Variants in DNMBP observed in about 807,000 individuals in gnomAD.
The protein encoded by DNMBP is dynamin-binding protein.
A neutral mutation model predicts 150.0 loss-of-function variants in DNMBP; 87 were observed. That is an observed-to-expected ratio of 0.58 (90% CI 0.49 to 0.69). The LOEUF (loss-of-function observed/expected upper bound fraction) is 0.69. Ranked by LOEUF, DNMBP falls within the 30% of genes least tolerant of loss-of-function variation. The probability of loss-of-function intolerance (pLI) is 0.00; values close to 1 mark genes in which losing one functional copy is unlikely to be tolerated. For synonymous variants in DNMBP, 711 were observed against 750.4 expected (o/e 0.95, Z 0.86); for missense variants, 1,774 against 1,949.0 (o/e 0.91, Z 1.69).
chr10:99,924,361 T>C (rs1280744447), intron 4 of DNMBP, among the ~76,000 whole-genome samples: 3 of 152,000 alleles, frequency 2.0e-5, no homozygotes, highest in East Asian at 3.9e-4. Flanking sequence ...GAGAATGGCA[T>C]GGACCCAGGA....
chr10:99,980,482 G>A (rs2040770633), intron 1 of DNMBP, among the ~76,000 whole-genome samples: 1 of 151,586 alleles, frequency 6.6e-6, no homozygotes, highest in African/African-American at 2.4e-5. Context: ...ATGTATCACT[G>A]TAAAGTGCTA....
intron 11 of DNMBP, 31 bp from the exon 12 acceptor site, chr10:99,888,984 A>G: frequency 6.2e-7 from 1 of 1,610,824 alleles, no homozygotes; most frequent in Non-Finnish European, 8.5e-7. Flanking sequence ...CACAAGTCAG[A>G]ACAGACAGAA....
At chr10:99,883,956 C>T in intron 15 of DNMBP, 55 bp downstream of exon 15, 2 of 1,554,802 alleles carry the variant, frequency 1.3e-6, no homozygotes, top group Non-Finnish European at 1.8e-6. Context: ...CGGGTGCAGC[C>T]AAAACTACTA....
intron 10 of DNMBP, 72 bp from the exon 11 acceptor site, chr10:99,895,122 C>CTTTTTT (rs373241582): frequency 9.8e-5 from 50 of 510,310 alleles, no homozygotes; most frequent in African/African-American, 2.1e-4. Context: ...AAGTAGCTTG[C>CTTTTTT]TTTTTTTTTT....
intron 1 of DNMBP, among the ~76,000 whole-genome samples, chr10:99,986,339 A>C (rs1008929415): frequency 7.9e-5 from 12 of 151,954 alleles, no homozygotes; most frequent in Admixed American, 2.0e-4. Context: ...GTGAGACCCC[A>C]TCTCTGGAAA....
At chr10:99,925,764 T>C (rs1473756001) in intron 4 of DNMBP, among the ~76,000 whole-genome samples, 7 of 152,222 alleles carry the variant, frequency 4.6e-5, no homozygotes, top group Admixed American at 1.3e-4. Context: ...CATTTATGTC[T>C]ATACACATAC....
chr10:99,919,585 G>A (rs1377134214), intron 4 of DNMBP, among the ~76,000 whole-genome samples: 2 of 152,224 alleles, frequency 1.3e-5, no homozygotes, highest in African/African-American at 4.8e-5. Flanking sequence ...CTGAGGTAAG[G>A]AGTTTGAGAC....
chr10:99,971,146 G>C (rs1477221251), intron 2 of DNMBP, among the ~76,000 whole-genome samples: 1 of 152,052 alleles, frequency 6.6e-6, no homozygotes, highest in Non-Finnish European at 1.5e-5. Context: ...GGCTGGGGCA[G>C]CTGGTGTCTA....
Position 99,885,774 on chromosome 10 carries a change from G to A in DNMBP, c.3711C>T (p.Phe1237=), listed in dbSNP as rs750184407. ...TGGTAGCTGGAAGAGACTCCGGGAA[G>A]AAGGTAAAAACCTGGAGTTGCTGCA... ...RVLQQLQVFT[F]FPESLPATKK... The change falls in exon 14 of 17, where the codon TTC becomes TTT. Residue 1237 remains phenylalanine, a synonymous_variant. Coordinates refer to ENST00000324109, the MANE Select transcript of DNMBP (RefSeq NM_015221.4). 1.2e-5 allele frequency: 19 copies of A among 1,610,552 alleles called. No individual in the cohort carries two copies. The Admixed American group carries it at 1.5e-4, about 13-fold the overall frequency.
At chr10:99,896,133 C>G in intron 10 of DNMBP, 134 bp downstream of exon 10, 1 of 996,028 alleles carries the variant, frequency 1.0e-6, no homozygotes, top group Non-Finnish European at 1.5e-6. Context: ...CTGGAGGGCC[C>G]TGTCTCCACC....
intron 1 of DNMBP, among the ~76,000 whole-genome samples, chr10:100,002,144 TCTC>T (rs1456495863): frequency 6.6e-6 from 1 of 152,084 alleles, no homozygotes; most frequent in Non-Finnish European, 1.5e-5. Context: ...TTAAGTGCCC[TCTC>T]CTCCTCAACA....
In DNMBP at chr10:99,973,706, G is replaced by A. The variant is rs11818678; in HGVS notation, c.-10-1572C>T. Among the ~76,000 whole-genome samples, 1,019 of 152,326 alleles carry A rather than the reference G, an allele frequency of 6.7e-3. 11 individuals carry two copies. The highest frequency in any genetic ancestry group is 0.023 in the African/African-American group (972 of 41,586). On this transcript the variant is annotated intron_variant, in intron 1 of 16. Transcript: ENST00000324109. The stretch of plus-strand genomic sequence containing the variant: ...GATGGAAAACCTGTTGGGGACTGGC[G>A]CGGTGGCTCGCACCTGTAATCCCAG...
chr10:99,980,436 GA>G (rs1300079746), intron 1 of DNMBP, among the ~76,000 whole-genome samples: 1 of 138,708 alleles, frequency 7.2e-6, no homozygotes, highest in Non-Finnish European at 1.5e-5. Context: ...AACAGAGTAA[GA>G]CTCCGTCTCA....
rs143168643 is a variant in DNMBP, at chr10:99,951,803, A to G, written c.2260+3411T>C. 5.1e-3 allele frequency among the ~76,000 whole-genome samples: 779 copies of G among 152,324 alleles called. 3 individuals carry two copies. The highest frequency in any genetic ancestry group is 7.9e-3 in the Non-Finnish European group (540 of 68,030). On this transcript the variant is annotated intron_variant, in intron 4 of 16. Transcript: ENST00000324109. Reference sequence around the variant, plus strand: ...GCAGAAGGGACTTGCCTTGTCTCAGATGAGACGTCGAACTGTGGACTTTTG... The same window carrying G: ...GCAGAAGGGACTTGCCTTGTCTCAGGTGAGACGTCGAACTGTGGACTTTTG...
chr10:99,955,945 T>C lies in DNMBP; in HGVS notation c.1529A>G (p.His510Arg). ...TGAGATGGAGTAAACACTGGACGTG[T>C]GGTGCTTTTTAGTATAACTTGCTAG... The part of the protein sequence containing the change: ...HNLASYTKKH[H>R]TSSVYSISER... The change falls in exon 4 of 17, where the codon CAC (histidine) becomes CGC (arginine). Residue 510 changes from histidine (H) to arginine (R), a missense_variant. His to Arg is a conservative substitution (Grantham distance 29). This residue lies in a region of DNMBP where 1,430 missense variants were observed against 1,492.5 expected (regional missense o/e 0.96). Transcript: ENST00000324109. The C allele has an allele frequency of 6.2e-7, 1 of 1,614,198 alleles. No homozygotes were observed. The highest frequency in any genetic ancestry group is 8.5e-7 in the Non-Finnish European group (1 of 1,180,044).
chr10:99,977,311 C>G (rs993633153), intron 1 of DNMBP, among the ~76,000 whole-genome samples: 1 of 152,202 alleles, frequency 6.6e-6, no homozygotes, highest in African/African-American at 2.4e-5. Flanking sequence ...AGCAGCTACT[C>G]TTATTCATGC....
intron 4 of DNMBP, among the ~76,000 whole-genome samples, chr10:99,937,912 A>C (rs2040251860): frequency 6.6e-6 from 1 of 152,248 alleles, no homozygotes; most frequent in East Asian, 1.9e-4. Context: ...TAACAGAGAG[A>C]GCACTGGAGA....
At chr10:100,005,592 A>G (rs1465851337) in intron 1 of DNMBP, among the ~76,000 whole-genome samples, 2 of 151,872 alleles carry the variant, frequency 1.3e-5, no homozygotes, top group Non-Finnish European at 2.9e-5. Flanking sequence ...CGTCTCTACT[A>G]AAATACAAAA....
At chr10:99,970,450 A>T (rs2040662305) in intron 2 of DNMBP, among the ~76,000 whole-genome samples, 1 of 152,214 alleles carries the variant, frequency 6.6e-6, no homozygotes, top group Non-Finnish European at 1.5e-5. Context: ...GGTAGGTACC[A>T]TGTAGGGTAA....
Sources: allele counts gnomAD v4.1 joint callset (sites outside exome capture counted in the v4.1 genomes callset), GRCh38; gene constraint gnomAD v4.1.1; regional missense constraint gnomAD v4.1.1; transcripts MANE v1.5; gene names NCBI Gene and HGNC (gene_info 2026-07-23, HGNC 2026-07-21).